The following CSMD1 variants were observed in gnomAD, a reference collection of about 807,000 sequenced individuals.
CSMD1 encodes CUB and Sushi multiple domains 1, also known as CUB and sushi domain-containing protein 1.
Under a neutral mutation model 417.5 loss-of-function variants are expected in CSMD1, and 213 were observed. That is an observed-to-expected ratio of 0.51 (90% CI 0.46 to 0.57). CSMD1 has a LOEUF of 0.57. CSMD1 is among the 20% of genes least tolerant of loss of function. The pLI, the probability that CSMD1 is intolerant of heterozygous loss-of-function variation, is 0.00. For missense variants in CSMD1, 6,923 were observed against 4,529.7 expected (o/e 1.53, Z -15.17); for synonymous variants, 2,862 against 1,736.8 (o/e 1.65, Z -16.11).
At chr8:3,387,068 G>C (rs1003116818) in intron 18 of CSMD1, among the ~76,000 whole-genome samples, 2 of 152,176 alleles carry the variant, frequency 1.3e-5, no homozygotes, top group Non-Finnish European at 2.9e-5. Flanking sequence ...CCAGGAGAAG[G>C]CTCTGCTAGA....
chr8:3,610,705 T>C lies in CSMD1; in HGVS notation c.1097+6005A>G, dbSNP rs116445358. On this transcript the variant is annotated intron_variant, in intron 8 of 69. Transcript: ENST00000635120. ...ACTATAATGTTTCTTTCTTCATATG[T>C]TCTTTCTCTTAACTCCAATTATAAT... Among the ~76,000 whole-genome samples, 980 of 152,246 alleles carry C rather than the reference T, an allele frequency of 6.4e-3. 8 individuals carry two copies. Among genetic ancestry groups the C allele is most frequent in the African/African-American group, 0.023 (947 of 41,536 alleles).
intron 5 of CSMD1, among the ~76,000 whole-genome samples, chr8:3,756,011 A>T (rs1245642453): frequency 6.6e-6 from 1 of 152,042 alleles, no homozygotes; most frequent in African/African-American, 2.4e-5. Context: ...TAGATTCAAA[A>T]ACCCCCAGTC....
intron 3 of CSMD1, among the ~76,000 whole-genome samples, chr8:4,191,097 T>C (rs148204391): frequency 0.028 from 4,244 of 152,014 alleles, 217 homozygotes; most frequent in African/African-American, 0.097. Flanking sequence ...AAAATAAAAG[T>C]TGAAAAAAAT....
At chr8:3,580,001 G>C (rs913581030) in intron 9 of CSMD1, among the ~76,000 whole-genome samples, 7 of 152,148 alleles carry the variant, frequency 4.6e-5, no homozygotes, top group African/African-American at 9.7e-5. Flanking sequence ...CTACTCAGGA[G>C]GCTGAGGCAG....
At chr8:4,515,831 G>T (rs911850259) in intron 2 of CSMD1, among the ~76,000 whole-genome samples, 1 of 152,118 alleles carries the variant, frequency 6.6e-6, no homozygotes, top group Non-Finnish European at 1.5e-5. Context: ...TTTCTTCATT[G>T]CAGGCTGAGA....
chr8:3,286,223 T>A (rs1474924135), intron 25 of CSMD1, among the ~76,000 whole-genome samples: 1 of 152,218 alleles, frequency 6.6e-6, no homozygotes. Flanking sequence ...ATCCAGTCTA[T>A]CATTGTTGGA....
chr8:4,649,400 G>A (rs1007016041), intron 1 of CSMD1, among the ~76,000 whole-genome samples: 4 of 152,124 alleles, frequency 2.6e-5, no homozygotes, highest in African/African-American at 9.7e-5. Flanking sequence ...TGAAAGACAG[G>A]CATTATCATT....
At chr8:3,694,288 C>T (rs1018108418) in intron 7 of CSMD1, among the ~76,000 whole-genome samples, 1 of 152,054 alleles carries the variant, frequency 6.6e-6, no homozygotes, top group African/African-American at 2.4e-5. Flanking sequence ...CCACACCTCA[C>T]TTCCTAGACG....
At chr8:4,711,929 C>G (rs923340777) in intron 1 of CSMD1, among the ~76,000 whole-genome samples, 2 of 152,140 alleles carry the variant, frequency 1.3e-5, no homozygotes, top group African/African-American at 4.8e-5. Flanking sequence ...AGGGACTGAG[C>G]TGGCTGGCTA....
intron 10 of CSMD1, among the ~76,000 whole-genome samples, chr8:3,565,752 C>T (rs574918240): frequency 3.9e-5 from 6 of 152,206 alleles, no homozygotes; most frequent in Admixed American, 6.5e-5. Flanking sequence ...CATTAAGAAA[C>T]GTGTAGTGTA....
intron 6 of CSMD1, among the ~76,000 whole-genome samples, chr8:3,718,130 C>G (rs1236521369): frequency 6.6e-6 from 1 of 152,122 alleles, no homozygotes; most frequent in Non-Finnish European, 1.5e-5. Context: ...TTGGATCATT[C>G]TTTGGGATAA....
chr8:3,049,602 A>G (rs1171715878), intron 50 of CSMD1, among the ~76,000 whole-genome samples: 1 of 145,842 alleles, frequency 6.9e-6, no homozygotes, highest in African/African-American at 2.5e-5. Flanking sequence ...GAATGGGTGG[A>G]GCACAGGAGA....
chr8:3,631,143 C>A (rs1488399633), intron 7 of CSMD1, among the ~76,000 whole-genome samples: 1 of 152,166 alleles, frequency 6.6e-6, no homozygotes, highest in Non-Finnish European at 1.5e-5. Context: ...TGCAAAATGG[C>A]CCTCCCTGTG....
chr8:4,088,483 G>A (rs1179519949), intron 3 of CSMD1, among the ~76,000 whole-genome samples: 2 of 152,072 alleles, frequency 1.3e-5, no homozygotes, highest in Admixed American at 6.5e-5. Flanking sequence ...TCTCTTCACT[G>A]GTTATCCATC....
intron 3 of CSMD1, among the ~76,000 whole-genome samples, chr8:4,257,912 C>G (rs1055875802): frequency 6.6e-6 from 1 of 152,196 alleles, no homozygotes; most frequent in Non-Finnish European, 1.5e-5. Flanking sequence ...ACAACAACAA[C>G]CACCACTTTA....
intron 5 of CSMD1, among the ~76,000 whole-genome samples, chr8:3,779,629 G>A (rs991497357): frequency 6.6e-6 from 1 of 152,144 alleles, no homozygotes; most frequent in Non-Finnish European, 1.5e-5. Context: ...GATAATGACA[G>A]CGTTAATATT....
chr8:4,823,664 C>A (rs1347820020), intron 1 of CSMD1, among the ~76,000 whole-genome samples: 1 of 152,044 alleles, frequency 6.6e-6, no homozygotes, highest in Non-Finnish European at 1.5e-5. Context: ...AATCACAACA[C>A]TGACATATAA....
intron 5 of CSMD1, among the ~76,000 whole-genome samples, chr8:3,946,580 A>G (rs754960362): frequency 2.6e-5 from 4 of 152,136 alleles, no homozygotes; most frequent in African/African-American, 4.8e-5. Context: ...CAAACAAATA[A>G]ATGATACATC....
chr8:4,259,668 G>T (rs1161530002), intron 3 of CSMD1, among the ~76,000 whole-genome samples: 1 of 152,032 alleles, frequency 6.6e-6, no homozygotes, highest in Non-Finnish European at 1.5e-5. Flanking sequence ...CCTACTGGCA[G>T]TACTGGGTCC....
Sources: gnomAD v4.1 joint callset for allele counts (sites outside exome capture counted in the v4.1 genomes callset) on GRCh38, gnomAD v4.1.1 for gene constraint, MANE v1.5 for transcripts, NCBI Gene and HGNC (gene_info 2026-07-23, HGNC 2026-07-21) for gene names.